Variants in PILRB observed in about 807,000 individuals in gnomAD.
PILRB encodes paired immunoglobin like type 2 receptor beta, also known as paired immunoglobulin-like type 2 receptor beta.
Under a neutral mutation model 20.5 loss-of-function variants are expected in PILRB, and 21 were observed. The ratio of observed to expected loss-of-function variants is 1.02; its 90% CI spans 0.72 to 1.47. PILRB has a LOEUF of 1.47. PILRB is among the 40% of genes most tolerant of loss of function. PILRB has a pLI of 0.00. For missense variants in PILRB, 253 were observed against 272.1 expected (o/e 0.93, Z 0.49); for synonymous variants, 133 against 115.1 (o/e 1.16, Z -0.99).
At chr7:100,362,169 G>T (rs1352917769) in intron 3 of PILRB, among the ~76,000 whole-genome samples, 1 of 152,082 alleles carries the variant, frequency 6.6e-6, no homozygotes, top group African/African-American at 2.4e-5. Context: ...GTGGGATAAT[G>T]ACCAAAGACA....
At chr7:100,365,934 G>A (rs1298158826) in intron 3 of PILRB, among the ~76,000 whole-genome samples, 1 of 150,116 alleles carries the variant, frequency 6.7e-6, no homozygotes, top group Non-Finnish European at 1.5e-5. Flanking sequence ...TGGTTAGGAT[G>A]GTAAATTCTA....
intron 3 of PILRB, among the ~76,000 whole-genome samples, chr7:100,366,107 C>T (rs751488944): frequency 6.6e-5 from 10 of 151,972 alleles, no homozygotes; most frequent in Non-Finnish European, 1.2e-4. Context: ...GCACATGCCA[C>T]CACGCCCGGC....
At position 100,367,541 on chromosome 7, in the gene PILRB, G is replaced by A; in HGVS notation, c.*164G>A. ...CAAGGCAGAAGGAGGCTGGGTCCCT[G>A]AATCACCGACTGGAGGAGAGTTACC... is the stretch of plus-strand genomic sequence containing the variant. On this transcript the variant is annotated 3_prime_UTR_variant, in exon 4 of 4. Coordinates refer to ENST00000609309, the MANE Select transcript of PILRB (RefSeq NM_178238.4). 1 of 629,520 alleles carries A rather than the reference G, an allele frequency of 1.6e-6. No homozygotes were observed. The highest frequency in any genetic ancestry group is 2.9e-6 in the Non-Finnish European group (1 of 341,876). The allele number at this position is 629,520 out of a possible 1,614,324, so 39.0% of individuals were successfully genotyped here.
chr7:100,358,375 C>G lies in PILRB; in HGVS notation c.64+9C>G. 1 of 1,611,444 alleles carries G rather than the reference C, an allele frequency of 6.2e-7. No individual in the cohort carries two copies. The highest frequency in any genetic ancestry group is 8.5e-7 in the Non-Finnish European group (1 of 1,179,890). ...AGCATTTCTGCAGCCTGGTGAGTAC[C>G]CAGGACCGCCCAGGTATGGTCTCTG... On this transcript the variant is annotated intron_variant, in intron 1 of 3. Coordinates refer to ENST00000609309, the MANE Select transcript of PILRB (RefSeq NM_178238.4).
At chr7:100,365,670 A>G (rs1790660464) in intron 3 of PILRB, among the ~76,000 whole-genome samples, 3 of 152,060 alleles carry the variant, frequency 2.0e-5, no homozygotes, top group African/African-American at 7.2e-5. Context: ...AATACAAAAA[A>G]TAAGCTGGTG....
In PILRB at chr7:100,358,760, G is replaced by C. The variant is rs201138053; in HGVS notation, c.135G>C (p.Met45Ile). 18 of 1,613,768 alleles carry C rather than the reference G, an allele frequency of 1.1e-5. No homozygotes were observed. Among genetic ancestry groups the C allele is most frequent in the Non-Finnish European group, 4.2e-6 (5 of 1,179,832 alleles). ...VTQPKHLSAS[M>I]GGSVEIPFSF... ...AACCAAAACACCTCTCAGCCTCCAT[G>C]GGTGGCTCTGTGGAAATCCCCTTCT... Residue 45 changes from methionine (M) to isoleucine (I), a missense_variant, in exon 2 of 4, where the codon ATG becomes ATC. Met to Ile is a conservative substitution (Grantham distance 10). Transcript: ENST00000609309.
At chr7:100,361,000 A>G (rs2130103592) in intron 3 of PILRB, among the ~76,000 whole-genome samples, 1 of 152,254 alleles carries the variant, frequency 6.6e-6, no homozygotes, top group Admixed American at 6.5e-5. Flanking sequence ...CAGTGGCACA[A>G]TCTCGGCTCA....
chr7:100,360,783 G>A (rs1197077438), intron 3 of PILRB, among the ~76,000 whole-genome samples: 6 of 152,150 alleles, frequency 3.9e-5, no homozygotes, highest in Non-Finnish European at 8.8e-5. Context: ...TTGTTAGATT[G>A]ATGTAGGGGC....
At chr7:100,365,897 AAC>A (rs1416717219) in intron 3 of PILRB, among the ~76,000 whole-genome samples, 2 of 151,714 alleles carry the variant, frequency 1.3e-5, no homozygotes, top group Non-Finnish European at 2.9e-5. Context: ...GAATACACTT[AAC>A]ACTGCCAAAC....
At chr7:100,360,037 CAAACAAA>C (rs992483334) in intron 3 of PILRB, among the ~76,000 whole-genome samples, 16 of 151,980 alleles carry the variant, frequency 1.1e-4, no homozygotes, top group African/African-American at 3.9e-4. Flanking sequence ...AACAAACAAA[CAAACAAA>C]AAAAGCCCCC....
At chr7:100,359,576 G>C (rs749661220) in intron 3 of PILRB, 39 bp downstream of exon 3, 4 of 1,574,590 alleles carry the variant, frequency 2.5e-6, no homozygotes, top group Non-Finnish European at 3.5e-6. Flanking sequence ...AAGCTTCCCA[G>C]CTGGGGGTTT....
intron 3 of PILRB, among the ~76,000 whole-genome samples, chr7:100,360,480 C>T (rs1439452623): frequency 6.6e-6 from 1 of 152,116 alleles, no homozygotes; most frequent in Admixed American, 6.5e-5. Context: ...AGAGGTCACT[C>T]ACTTTCCTTG....
At chr7:100,359,109 G>T in intron 2 of PILRB, 30 bp downstream of exon 2, 1 of 1,613,214 alleles carries the variant, frequency 6.2e-7, no homozygotes. Flanking sequence ...CACCTGCCTT[G>T]CCCACCGCAG....
chr7:100,365,309 A>C (rs1210201056), intron 3 of PILRB, among the ~76,000 whole-genome samples: 1 of 152,154 alleles, frequency 6.6e-6, no homozygotes, highest in Non-Finnish European at 1.5e-5. Flanking sequence ...CTCAACCTTT[A>C]AAGGGAAGGA....
chr7:100,361,562 C>G (rs957108462), intron 3 of PILRB, among the ~76,000 whole-genome samples: 12 of 152,080 alleles, frequency 7.9e-5, no homozygotes, highest in African/African-American at 2.9e-4. Context: ...GCATGGTGGC[C>G]GACACCTGTA....
rs1189420760 is a variant in PILRB, at chr7:100,359,341, C to G, written c.459C>G (p.Val153=). 25 of 1,613,980 alleles carry G rather than the reference C, an allele frequency of 1.5e-5. No individual in the cohort carries two copies. Among genetic ancestry groups the G allele is most frequent in the Non-Finnish European group, 2.1e-5 (25 of 1,180,012 alleles). ...KGTKLTITQA[V]TTTTTWRPSS... is the part of the protein sequence containing the mutation. The stretch of plus-strand genomic sequence containing the variant: ...CTCATTCCTCATCTCTTCCAGCTGT[C>G]ACAACCACCACCACCTGGAGGCCCA... The change falls in exon 3 of 4, where the codon GTC becomes GTG. Residue 153 remains valine (V), a synonymous_variant. Transcript: ENST00000609309.
intron 3 of PILRB, among the ~76,000 whole-genome samples, chr7:100,364,702 C>T (rs190884821): frequency 2.6e-5 from 4 of 152,320 alleles, no homozygotes; most frequent in African/African-American, 9.6e-5. Context: ...CACTTCTGGG[C>T]ATCTATCCAA....
rs1790733738 is a variant in PILRB at position 100,367,581 on chromosome 7, T to C, written c.*204T>C. ...GGAGAGTTACCTACAAGAGCCTTCA[T>C]CCAGGAGCATCCACACTGCAATGAT... On this transcript the variant is annotated 3_prime_UTR_variant, in exon 4 of 4. Transcript: ENST00000609309. 6 of 595,194 alleles carry C rather than the reference T, an allele frequency of 1.0e-5. No homozygotes were observed. The East Asian group carries it at 1.4e-4, about 14-fold the overall frequency. The allele number at this position is 595,194 out of a possible 1,614,324, so 36.9% of individuals were successfully genotyped here. A position where few individuals can be genotyped will look rare whatever the true frequency, so the allele number is the denominator to read the frequency against.
At chr7:100,367,200 G>T in intron 3 of PILRB, 149 bp from the exon 4 acceptor site, 1 of 887,392 alleles carries the variant, frequency 1.1e-6, no homozygotes, top group South Asian at 1.3e-5. Flanking sequence ...ATCAGGGACT[G>T]TGCTGCTAAG....
Sources: gnomAD v4.1 joint callset for allele counts (sites outside exome capture counted in the v4.1 genomes callset) on GRCh38, gnomAD v4.1.1 for gene constraint, MANE v1.5 for transcripts, NCBI Gene and HGNC (gene_info 2026-07-23, HGNC 2026-07-21) for gene names.